PEAK1: variants seen among roughly 807,000 people sequenced by gnomAD.
PEAK1 encodes pseudopodium enriched atypical kinase 1, also known as inactive tyrosine-protein kinase PEAK1.
Under a neutral mutation model 124.7 loss-of-function variants are expected in PEAK1, and 54 were observed. The ratio of observed to expected loss-of-function variants is 0.43; its 90% CI spans 0.35 to 0.54. The LOEUF is 0.54. PEAK1 is among the 20% of genes least tolerant of loss of function. The pLI is 0.01. For synonymous variants in PEAK1, 719 were observed against 760.0 expected, an observed-to-expected ratio of 0.95 and a Z score of 0.89; for missense variants, 2,046 against 2,134.5, an observed-to-expected ratio of 0.96 and a Z score of 0.82.
At chr15:77,326,362 G>A (rs953778227) in intron 2 of PEAK1, among the ~76,000 whole-genome samples, 8 of 152,072 alleles carry the variant, frequency 5.3e-5, no homozygotes, top group African/African-American at 1.9e-4. Flanking sequence ...GGTAAGTAAA[G>A]CCAGAAATTT....
intron 7 of PEAK1, among the ~76,000 whole-genome samples, chr15:77,162,493 C>T (rs1247780295): frequency 2.8e-5 from 2 of 70,456 alleles, no homozygotes; most frequent in Non-Finnish European, 4.8e-5. Context: ...GACTCCATCT[C>T]AAAAAAAAAA....
At chr15:77,248,735 G>A (rs887869360) in intron 6 of PEAK1, among the ~76,000 whole-genome samples, 1 of 152,260 alleles carries the variant, frequency 6.6e-6, no homozygotes, top group Middle Eastern at 3.4e-3. Context: ...AATGGACTAA[G>A]AATATTAAAA....
intron 2 of PEAK1, among the ~76,000 whole-genome samples, chr15:77,329,366 G>A (rs2065767529): frequency 6.6e-6 from 1 of 152,124 alleles, no homozygotes; most frequent in African/African-American, 2.4e-5. Context: ...ACTCAAGTTA[G>A]GCTTCCAGAT....
intron 6 of PEAK1, among the ~76,000 whole-genome samples, chr15:77,220,134 A>G (rs1397306733): frequency 6.6e-6 from 1 of 152,116 alleles, no homozygotes; most frequent in Non-Finnish European, 1.5e-5. Context: ...ATTAGCTAGT[A>G]GATAAAAGAG....
intron 2 of PEAK1, chr15:77,346,349 T>C (rs2066873014): frequency 1.0e-6 from 1 of 982,526 alleles, no homozygotes; most frequent in Admixed American, 6.1e-5. Context: ...TTTGTAAACC[T>C]GGAATTTGTT....
At chr15:77,349,319 G>GT (rs1246335211) in intron 2 of PEAK1, 1 of 960,172 alleles carries the variant, frequency 1.0e-6, no homozygotes, top group African/African-American at 1.8e-5. Flanking sequence ...GATTACAGGC[G>GT]TGAGCCACCG....
chr15:77,197,441 T>G (rs2058162017), intron 6 of PEAK1, among the ~76,000 whole-genome samples: 1 of 152,220 alleles, frequency 6.6e-6, no homozygotes, highest in African/African-American at 2.4e-5. Context: ...CAAGAACATA[T>G]TCATCAAGAG....
At chr15:77,211,203 G>C (rs1247796955) in intron 6 of PEAK1, among the ~76,000 whole-genome samples, 1 of 151,998 alleles carries the variant, frequency 6.6e-6, no homozygotes, top group Admixed American at 6.6e-5. Context: ...ACTTAAAATT[G>C]GCCCATATAC....
chr15:77,151,613 A>C (rs1463092693), intron 8 of PEAK1, among the ~76,000 whole-genome samples: 1 of 152,132 alleles, frequency 6.6e-6, no homozygotes, highest in Non-Finnish European at 1.5e-5. Context: ...GGTATTGCCT[A>C]GGTTTTCTTC....
chr15:77,117,977 T>A (rs754222847), intron 9 of PEAK1, among the ~76,000 whole-genome samples: 2 of 152,222 alleles, frequency 1.3e-5, no homozygotes, highest in Non-Finnish European at 1.5e-5. Context: ...TATGTTTAGC[T>A]TCACAGATCT....
At chr15:77,152,375 A>T (rs952410608) in intron 8 of PEAK1, among the ~76,000 whole-genome samples, 11 of 151,888 alleles carry the variant, frequency 7.2e-5, no homozygotes, top group African/African-American at 1.9e-4. Context: ...TTATCAGCTT[A>T]AGGAGATTTT....
chr15:77,301,128 C>T (rs905398805), intron 2 of PEAK1, among the ~76,000 whole-genome samples: 14 of 152,192 alleles, frequency 9.2e-5, no homozygotes, highest in Admixed American at 2.6e-4. Flanking sequence ...GTTCTAGAGA[C>T]GAGAAATCAA....
chr15:77,405,982 G>A (rs1485169418), intron 1 of PEAK1, among the ~76,000 whole-genome samples: 1 of 152,126 alleles, frequency 6.6e-6, no homozygotes, highest in Non-Finnish European at 1.5e-5. Context: ...CATACTCACT[G>A]ATAATATTTC....
rs188530116 is a variant in PEAK1 at position 77,247,528 on chromosome 15, G to T, written c.-115+4839C>A. On this transcript the variant is annotated intron_variant, in intron 6 of 9. Coordinates refer to ENST00000682557, the MANE Select transcript of PEAK1 (RefSeq NM_001385026.1). The stretch of plus-strand genomic sequence containing the variant: ...TTTTGAGACAGAGTCTCACTCTGTC[G>T]CCCAGGCTGGAGTGCAATGGCACAA... Among the ~76,000 whole-genome samples the T allele has an allele frequency of 8.8e-3, 958 of 108,310 alleles. 11 individuals are homozygous for T. Among genetic ancestry groups the T allele is most frequent in the African/African-American group, 0.032 (908 of 28,032 alleles). The allele number at this position is 108,310 out of a possible 152,430, so 71.1% of individuals were successfully genotyped here.
chr15:77,160,040 T>C (rs1023894865), intron 7 of PEAK1, among the ~76,000 whole-genome samples: 4 of 151,842 alleles, frequency 2.6e-5, no homozygotes, highest in Non-Finnish European at 5.9e-5. Flanking sequence ...TTTCTAGCAG[T>C]CAAGAGAGTA....
chr15:77,419,411 C>T, intron 1 of PEAK1: 1 of 985,346 alleles, frequency 1.0e-6, no homozygotes, highest in Non-Finnish European at 1.2e-6. Flanking sequence ...ACTGAGCAGC[C>T]GAACCACTCA....
chr15:77,369,160 A>T (rs907450739), intron 1 of PEAK1, among the ~76,000 whole-genome samples: 1 of 152,248 alleles, frequency 6.6e-6, no homozygotes, highest in Non-Finnish European at 1.5e-5. Flanking sequence ...TGAGTAAAAT[A>T]GTCTCAGACA....
At chr15:77,352,248 C>G (rs1325107317) in intron 2 of PEAK1, 10 of 985,240 alleles carry the variant, frequency 1.0e-5, no homozygotes, top group Non-Finnish European at 1.2e-5. Context: ...TAGATCAAGG[C>G]AGTAGGATTT....
At chr15:77,403,635 C>T (rs1434731419) in intron 1 of PEAK1, 5 of 891,772 alleles carry the variant, frequency 5.6e-6, no homozygotes, top group African/African-American at 1.8e-5. Context: ...GTTCTGGGGA[C>T]ATGAAGATGA....
Sources: allele counts gnomAD v4.1 joint callset (sites outside exome capture counted in the v4.1 genomes callset), GRCh38; gene constraint gnomAD v4.1.1; transcripts MANE v1.5; gene names NCBI Gene and HGNC (gene_info 2026-07-23, HGNC 2026-07-21).